SORCS1: variants seen among roughly 807,000 people sequenced by gnomAD.
The protein encoded by SORCS1 is VPS10 domain-containing receptor SorCS1.
Under a neutral mutation model 146.1 loss-of-function variants are expected in SORCS1, and 60 were observed. The observed-to-expected ratio is 0.41, with a 90% confidence interval of 0.33 to 0.51. The LOEUF is 0.51. Among genes scored for constraint, SORCS1 ranks in the 20% least tolerant of loss-of-function variants. SORCS1 has a pLI of 0.21. For synonymous variants in SORCS1, 637 were observed against 584.0 expected, an observed-to-expected ratio of 1.09 and a Z score of -1.31; for missense variants, 1,352 against 1,487.6, an observed-to-expected ratio of 0.91 and a Z score of 1.50.
intron 4 of SORCS1, among the ~76,000 whole-genome samples, chr10:106,764,056 A>G (rs1323615221): frequency 6.6e-6 from 1 of 152,180 alleles, no homozygotes; most frequent in African/African-American, 2.4e-5. Context: ...TACAAAGAAA[A>G]TTTATCAGAG....
chr10:106,829,989 T>C (rs1433597315), intron 2 of SORCS1, among the ~76,000 whole-genome samples: 1 of 151,890 alleles, frequency 6.6e-6, no homozygotes, highest in Non-Finnish European at 1.5e-5. Flanking sequence ...AATTAAAGAG[T>C]TTTTAGTCAG....
chr10:107,081,959 T>C (rs567335159), intron 1 of SORCS1, among the ~76,000 whole-genome samples: 5 of 152,332 alleles, frequency 3.3e-5, no homozygotes, highest in East Asian at 1.9e-4. Flanking sequence ...ATTGTGTTTG[T>C]ATGTTTGGGA....
At chr10:106,967,288 G>T (rs1257882138) in intron 1 of SORCS1, among the ~76,000 whole-genome samples, 1 of 151,890 alleles carries the variant, frequency 6.6e-6, no homozygotes, top group Non-Finnish European at 1.5e-5. Context: ...ATACATAGCT[G>T]ACCACTGCAT....
At chr10:106,748,085 G>C (rs1469106764) in intron 5 of SORCS1, among the ~76,000 whole-genome samples, 1 of 151,964 alleles carries the variant, frequency 6.6e-6, no homozygotes, top group South Asian at 2.1e-4. Flanking sequence ...TCTTATGATT[G>C]TTCAAATGTT....
At chr10:106,708,273 T>C (rs1854681774) in intron 7 of SORCS1, among the ~76,000 whole-genome samples, 1 of 152,182 alleles carries the variant, frequency 6.6e-6, no homozygotes, top group African/African-American at 2.4e-5. Flanking sequence ...TGTGTGTATG[T>C]GTGTGATCAT....
chr10:106,665,614 T>G (rs1404674764), intron 17 of SORCS1, among the ~76,000 whole-genome samples: 1 of 152,098 alleles, frequency 6.6e-6, no homozygotes, highest in Non-Finnish European at 1.5e-5. Flanking sequence ...TCTCCAAAAA[T>G]TATCAATACT....
In SORCS1 at chr10:106,576,427, A is replaced by G. The variant is rs1240173843; in HGVS notation, c.*993T>C. On this transcript the variant is annotated 3_prime_UTR_variant, in exon 26 of 26. Coordinates refer to ENST00000263054, the MANE Select transcript of SORCS1 (RefSeq NM_052918.5). ...GGAGGGAAGAGATTCAAAGATATCA[A>G]CAGATCATGGTCACACATGGATGAC... The G allele has an allele frequency of 6.6e-6, 1 of 152,274 alleles. No homozygotes were observed. Among genetic ancestry groups the G allele is most frequent in the African/African-American group, 2.4e-5 (1 of 41,464 alleles). The allele number at this position is 152,274 out of a possible 1,614,324, so 9.4% of individuals were successfully genotyped here.
intron 1 of SORCS1, among the ~76,000 whole-genome samples, chr10:106,998,445 G>C (rs1431112760): frequency 6.6e-6 from 1 of 152,188 alleles, no homozygotes; most frequent in Non-Finnish European, 1.5e-5. Context: ...GACCTAGGTA[G>C]GGGTGGGATA....
At chr10:106,959,904 T>C (rs1256759073) in intron 1 of SORCS1, among the ~76,000 whole-genome samples, 1 of 152,210 alleles carries the variant, frequency 6.6e-6, no homozygotes, top group Non-Finnish European at 1.5e-5. Flanking sequence ...AATTTTCATG[T>C]ATAGAAAAAC....
intron 1 of SORCS1, among the ~76,000 whole-genome samples, chr10:107,039,252 C>T (rs566898968): frequency 6.8e-6 from 1 of 147,398 alleles, no homozygotes; most frequent in African/African-American, 2.5e-5. Flanking sequence ...GGCGTGAACC[C>T]GGGAGGAGGA....
At chr10:106,944,872 TTC>T (rs369408953) in intron 2 of SORCS1, among the ~76,000 whole-genome samples, 4 of 92,964 alleles carry the variant, frequency 4.3e-5, no homozygotes, top group African/African-American at 1.9e-4. Flanking sequence ...AGAAAGAGCC[TTC>T]TTTTTTTTTT....
chr10:106,973,680 T>C (rs1275522436), intron 1 of SORCS1, among the ~76,000 whole-genome samples: 9 of 152,070 alleles, frequency 5.9e-5, no homozygotes, highest in Non-Finnish European at 1.3e-4. Context: ...TCCATTTTTT[T>C]CCCCCTTAAA....
At chr10:106,884,168 C>T (rs1950911064) in intron 2 of SORCS1, among the ~76,000 whole-genome samples, 2 of 152,110 alleles carry the variant, frequency 1.3e-5, no homozygotes, top group African/African-American at 2.4e-5. Context: ...ATGGCACTCC[C>T]GCAATGTTCT....
intron 2 of SORCS1, among the ~76,000 whole-genome samples, chr10:106,833,840 C>G (rs1049673621): frequency 5.9e-5 from 9 of 152,112 alleles, no homozygotes; most frequent in Admixed American, 1.3e-4. Flanking sequence ...GTCACCCAGG[C>G]TGGAGTGCAG....
intron 21 of SORCS1, among the ~76,000 whole-genome samples, chr10:106,616,712 A>C (rs1589482391): frequency 6.6e-6 from 1 of 152,002 alleles, no homozygotes; most frequent in African/African-American, 2.4e-5. Context: ...AAAATCTAAC[A>C]CCCAGCCATG....
rs185298280 is a variant in SORCS1 at position 106,927,382 on chromosome 10, C to T, written c.626+29131G>A. Among the ~76,000 whole-genome samples the T allele has an allele frequency of 3.4e-4, 51 of 152,100 alleles. No individual in the cohort carries two copies. In the East Asian group the frequency reaches 8.1e-3, roughly 24 times the overall value. ...AGTTGTTCCTTCCTCCCGGTGGGTT[C>T]GTGGTCTCGTTGGCTTCAGGAGTGA... On this transcript the variant is annotated intron_variant, in intron 2 of 25. Transcript: ENST00000263054.
intron 1 of SORCS1, among the ~76,000 whole-genome samples, chr10:107,091,992 G>C (rs1171012629): frequency 6.6e-6 from 1 of 152,114 alleles, no homozygotes; most frequent in Non-Finnish European, 1.5e-5. Context: ...AGTACCTACA[G>C]GACCAAAACA....
chr10:107,020,839 AT>A (rs1035075214), intron 1 of SORCS1, among the ~76,000 whole-genome samples: 3 of 152,072 alleles, frequency 2.0e-5, no homozygotes, highest in Admixed American at 1.3e-4. Context: ...TAAGCAAAAT[AT>A]TTTTTTTCTA....
intron 1 of SORCS1, among the ~76,000 whole-genome samples, chr10:106,979,597 A>G (rs1029036140): frequency 1.4e-4 from 22 of 152,340 alleles, no homozygotes; most frequent in African/African-American, 5.3e-4. Context: ...AACAAAAAAA[A>G]AACTGGAAGA....
Sources: gnomAD v4.1 joint callset for allele counts (sites outside exome capture counted in the v4.1 genomes callset) on GRCh38, gnomAD v4.1.1 for gene constraint, MANE v1.5 for transcripts, NCBI Gene and HGNC (gene_info 2026-07-23, HGNC 2026-07-21) for gene names.